The following PEMT variants were observed in gnomAD, a reference collection of about 807,000 sequenced individuals.
PEMT encodes phosphatidylethanolamine N-methyltransferase.
PEMT carries 23 observed loss-of-function variants against 27.4 expected under a neutral mutation model. That is an observed-to-expected ratio of 0.84 (90% CI 0.60 to 1.19). The LOEUF is 1.19. PEMT is among the 50% of genes most tolerant of loss of function. The probability of loss-of-function intolerance (pLI) is 0.00; values close to 1 mark genes in which losing one functional copy is unlikely to be tolerated. For missense variants in PEMT, 307 were observed against 310.1 expected (o/e 0.99, Z 0.07); for synonymous variants, 137 against 139.1 (o/e 0.98, Z 0.11).
At chr17:17,590,259 C>T (rs1317338746) in intron 1 of PEMT, among the ~76,000 whole-genome samples, 1 of 152,230 alleles carries the variant, frequency 6.6e-6, no homozygotes, top group Non-Finnish European at 1.5e-5. Flanking sequence ...TTCTTCCTGT[C>T]CTCTGCTGAG....
chr17:17,551,523 C>T (rs1395883917), intron 2 of PEMT, among the ~76,000 whole-genome samples: 5 of 152,092 alleles, frequency 3.3e-5, no homozygotes, highest in Admixed American at 6.6e-5. Context: ...GACAAGCTGG[C>T]GTGGGAGTGG....
intron 2 of PEMT, among the ~76,000 whole-genome samples, chr17:17,538,703 T>C (rs1270265616): frequency 6.6e-6 from 1 of 152,258 alleles, no homozygotes; most frequent in African/African-American, 2.4e-5. Flanking sequence ...TGTCTTTTCT[T>C]TTTACATAAA....
chr17:17,588,389 C>G (rs899459090), intron 1 of PEMT, among the ~76,000 whole-genome samples: 1 of 152,168 alleles, frequency 6.6e-6, no homozygotes, highest in African/African-American at 2.4e-5. Context: ...CAGGGTCTTA[C>G]TCGGGTGCCC....
intron 5 of PEMT, chr17:17,507,299 A>G: frequency 1.0e-6 from 1 of 973,164 alleles, no homozygotes; most frequent in Non-Finnish European, 1.6e-6. Flanking sequence ...GGCCTGGGCC[A>G]GGGGCTGTGC....
chr17:17,569,448 A>G (rs1165714400), intron 2 of PEMT, among the ~76,000 whole-genome samples: 1 of 152,150 alleles, frequency 6.6e-6, no homozygotes, highest in African/African-American at 2.4e-5. Context: ...AGACCTGCAC[A>G]TGAGAGCCAG....
At chr17:17,547,469 G>C (rs1909340985) in intron 2 of PEMT, among the ~76,000 whole-genome samples, 1 of 152,258 alleles carries the variant, frequency 6.6e-6, no homozygotes, top group Non-Finnish European at 1.5e-5. Context: ...CCTGGAGCGA[G>C]GGCAGTCAGG....
At position 17,512,524 on chromosome 17, in the gene PEMT, C is replaced by T. The variant is rs1232985454; in HGVS notation, c.451G>A (p.Ala151Thr). 21 of 1,600,582 alleles carry T rather than the reference C, an allele frequency of 1.3e-5. No homozygotes were observed. The highest frequency in any genetic ancestry group is 2.2e-5 in the South Asian group (2 of 89,226). The change falls in exon 4 of 7, where the codon GCT becomes ACT. Residue 151 changes from alanine (A) to threonine (T), a missense_variant. By Grantham distance (58) the Ala-to-Thr change is moderately conservative. Coordinates refer to ENST00000255389, the MANE Select transcript of PEMT (RefSeq NM_148172.3). This position sits in a 1 kb window ranked among gnomAD's most constrained non-coding sequence, Gnocchi z 6.3. ...VLSSFFALGF[A>T]GTFLGDYFGI... ...AGGGTCTTACCTAGGAAAGTTCCAGCGAACCCCAGTGCAAAGAAGCTGGAG... is the reference window on the plus strand; with the variant it reads ...AGGGTCTTACCTAGGAAAGTTCCAGTGAACCCCAGTGCAAAGAAGCTGGAG...
Position 17,543,858 on chromosome 17 carries a change from C to G in PEMT, c.205-21463G>C, listed in dbSNP as rs148403638. On this transcript the variant is annotated intron_variant, in intron 2 of 6. Transcript: ENST00000255389. Reference sequence around the variant, plus strand: ...GATTACGGGCGTGAGCCACGGCGCCCAGCCAGCTCATGCCTTTTTTGACCC... The same window carrying G: ...GATTACGGGCGTGAGCCACGGCGCCGAGCCAGCTCATGCCTTTTTTGACCC... Among the ~76,000 whole-genome samples, 418 of 152,368 alleles carry G rather than the reference C, an allele frequency of 2.7e-3. 1 individual carries two copies. The highest frequency in any genetic ancestry group is 9.3e-3 in the African/African-American group (388 of 41,586).
intron 5 of PEMT, chr17:17,508,931 G>C: frequency 3.1e-6 from 1 of 326,426 alleles, no homozygotes; most frequent in South Asian, 2.3e-5. Context: ...AGATGGGTCG[G>C]GTGGTCCCAG....
intron 2 of PEMT, among the ~76,000 whole-genome samples, chr17:17,576,257 C>T (rs1911578153): frequency 6.6e-6 from 1 of 152,198 alleles, no homozygotes; most frequent in African/African-American, 2.4e-5. Context: ...CCTCCCCTCC[C>T]ACACTTTCCT....
intron 1 of PEMT, among the ~76,000 whole-genome samples, chr17:17,585,443 CA>C: frequency 6.6e-6 from 1 of 152,274 alleles, no homozygotes; most frequent in Middle Eastern, 3.4e-3. Context: ...TAGGGCCCTC[CA>C]TGGTCCTCTC....
At chr17:17,544,546 G>A (rs891173501) in intron 2 of PEMT, among the ~76,000 whole-genome samples, 41 of 152,190 alleles carry the variant, frequency 2.7e-4, no homozygotes, top group African/African-American at 9.4e-4. Context: ...TTACAGGCAG[G>A]AGCCACCGCA....
chr17:17,566,650 G>A (rs1266401654), intron 2 of PEMT, among the ~76,000 whole-genome samples: 1 of 152,258 alleles, frequency 6.6e-6, no homozygotes, highest in Non-Finnish European at 1.5e-5. Flanking sequence ...GAAAGCTGGC[G>A]AAGGGGAGGA....
intron 1 of PEMT, among the ~76,000 whole-genome samples, chr17:17,580,906 G>A (rs76925132): frequency 7.9e-4 from 121 of 152,286 alleles, no homozygotes; most frequent in African/African-American, 2.7e-3. Context: ...TTCCCCCAGA[G>A]CCCTCCCCAT....
At chr17:17,583,616 G>A (rs576218018) in intron 1 of PEMT, among the ~76,000 whole-genome samples, 1 of 152,158 alleles carries the variant, frequency 6.6e-6, no homozygotes, top group Non-Finnish European at 1.5e-5. Flanking sequence ...GAGTGGAATG[G>A]GGGTGATGAG....
At chr17:17,547,971 C>T (rs1909375761) in intron 2 of PEMT, among the ~76,000 whole-genome samples, 1 of 152,200 alleles carries the variant, frequency 6.6e-6, no homozygotes, top group East Asian at 1.9e-4. Flanking sequence ...ACACAGAGAA[C>T]GTCATCAAAT....
intron 2 of PEMT, among the ~76,000 whole-genome samples, chr17:17,539,488 C>T (rs1369934543): frequency 6.6e-6 from 1 of 152,220 alleles, no homozygotes; most frequent in Non-Finnish European, 1.5e-5. Context: ...GATGCCTCTG[C>T]GATGCGCCCA....
chr17:17,570,900 G>T, intron 2 of PEMT: 1 of 985,356 alleles, frequency 1.0e-6, no homozygotes, highest in African/African-American at 1.7e-5. Flanking sequence ...CCTGGTCCTT[G>T]GACCACTGCC....
At chr17:17,549,965 C>T (rs577545703) in intron 2 of PEMT, among the ~76,000 whole-genome samples, 18 of 152,190 alleles carry the variant, frequency 1.2e-4, no homozygotes, top group African/African-American at 4.3e-4. Context: ...AGGGAGCACA[C>T]GCTGCTCAAC....
Sources: allele counts gnomAD v4.1 joint callset (sites outside exome capture counted in the v4.1 genomes callset), GRCh38; gene constraint gnomAD v4.1.1; non-coding constraint Gnocchi (gnomAD v3.1); transcripts MANE v1.5; gene names NCBI Gene and HGNC (gene_info 2026-07-23, HGNC 2026-07-21).